The following TMCC1 variants were observed in gnomAD, a reference collection of about 807,000 sequenced individuals.
TMCC1 encodes transmembrane and coiled-coil domains protein 1.
In TMCC1, 15 loss-of-function variants were observed where a neutral mutation model predicts 52.4. That is an observed-to-expected ratio of 0.29 (90% CI 0.19 to 0.44). The LOEUF is 0.44. TMCC1 is among the 20% of genes least tolerant of loss of function. TMCC1 has a pLI of 1.00. For synonymous variants in TMCC1, 279 were observed against 301.9 expected (o/e 0.92, Z 0.79); for missense variants, 503 against 806.0 (o/e 0.62, Z 4.55).
chr3:129,670,631 C>A lies in TMCC1; in HGVS notation c.1210G>T (p.Ala404Ser). 6.2e-7 allele frequency: 1 copy of A among 1,614,228 alleles called. No homozygotes were observed. The highest frequency in any genetic ancestry group is 8.5e-7 in the Non-Finnish European group (1 of 1,180,036). The change falls in exon 5 of 7, where the codon GCT (alanine) becomes TCT (serine). Residue 404 changes from alanine to serine, a missense_variant. Physicochemically the swap from Ala to Ser is moderately conservative, Grantham distance 99 (BLOSUM62 1). Coordinates refer to ENST00000393238, the MANE Select transcript of TMCC1 (RefSeq NM_001017395.5). ...EEGQVDDAGK[A>S]LGVISNFQSS... ...TGAAAGTTTGAAATCACTCCCAAAG[C>A]CTTCCCCGCATCATCCACTTGCCCT... is the stretch of plus-strand genomic sequence containing the variant.
At chr3:129,833,632 C>T (rs561947863) in intron 2 of TMCC1, among the ~76,000 whole-genome samples, 3 of 152,132 alleles carry the variant, frequency 2.0e-5, no homozygotes, top group Non-Finnish European at 4.4e-5. Context: ...GTGACTCACA[C>T]CTGTAATCCC....
chr3:129,832,886 T>C (rs1486179066), intron 2 of TMCC1, 60 bp from the exon 3 acceptor site: 1 of 152,196 alleles, frequency 6.6e-6, no homozygotes, highest in Non-Finnish European at 1.5e-5. Flanking sequence ...ACTTACCTTT[T>C]ACAGATATGC....
At chr3:129,840,549 G>A (rs1267163400) in intron 2 of TMCC1, among the ~76,000 whole-genome samples, 1 of 152,122 alleles carries the variant, frequency 6.6e-6, no homozygotes, top group Non-Finnish European at 1.5e-5. Context: ...GTTTGGCTCT[G>A]TGTCCCTACC....
chr3:129,680,904 A>C (rs986840027), intron 4 of TMCC1, among the ~76,000 whole-genome samples: 2 of 151,918 alleles, frequency 1.3e-5, no homozygotes, highest in Admixed American at 6.6e-5. Flanking sequence ...TGTCTCAAAA[A>C]AAAAAAAAAG....
At chr3:129,875,894 G>A (rs1305347050) in intron 2 of TMCC1, among the ~76,000 whole-genome samples, 1 of 152,210 alleles carries the variant, frequency 6.6e-6, no homozygotes, top group Non-Finnish European at 1.5e-5. Context: ...AGCACTTTGG[G>A]AGGCCAAGGC....
intron 5 of TMCC1, among the ~76,000 whole-genome samples, chr3:129,661,825 T>A (rs185658741): frequency 6.6e-6 from 1 of 152,218 alleles, no homozygotes; most frequent in East Asian, 1.9e-4. Context: ...AAAAATTCTG[T>A]ATTGTTAATG....
rs115246004 is a variant in TMCC1 at position 129,884,445 on chromosome 3, T to C, written c.-434-3886A>G. ...GAATTGGAGACCAGCCTGGGCAACA[T>C]AGTGCAACCCCATTTCTACAAAATA... On this transcript the variant is annotated intron_variant, in intron 1 of 6. Transcript: ENST00000393238. Among the ~76,000 whole-genome samples the C allele has an allele frequency of 3.2e-3, 481 of 152,202 alleles. 1 individual carries two copies. Among genetic ancestry groups the C allele is most frequent in the African/African-American group, 0.011 (467 of 41,522 alleles).
At chr3:129,749,933 A>G (rs945049176) in intron 4 of TMCC1, among the ~76,000 whole-genome samples, 7 of 152,186 alleles carry the variant, frequency 4.6e-5, no homozygotes, top group African/African-American at 1.7e-4. Flanking sequence ...TGAATCTTGC[A>G]GTAGACCTCT....
intron 2 of TMCC1, among the ~76,000 whole-genome samples, chr3:129,875,503 A>C (rs1225800152): frequency 1.8e-4 from 27 of 150,304 alleles, no homozygotes; most frequent in Non-Finnish European, 3.0e-4. Context: ...AAAAAAAAAA[A>C]AAAAAAAAAA....
chr3:129,692,108 A>G (rs1259054716), intron 4 of TMCC1, among the ~76,000 whole-genome samples: 1 of 152,232 alleles, frequency 6.6e-6, no homozygotes. Flanking sequence ...GTTAACTATA[A>G]TACTATATAC....
chr3:129,656,095 C>T (rs566812034), intron 5 of TMCC1, among the ~76,000 whole-genome samples: 9 of 152,302 alleles, frequency 5.9e-5, no homozygotes, highest in African/African-American at 1.7e-4. Flanking sequence ...AGAGGAGTCA[C>T]ATGATGAATA....
chr3:129,808,920 GGA>G (rs370996022), intron 4 of TMCC1, among the ~76,000 whole-genome samples: 2,395 of 22,220 alleles, frequency 0.11, 49 homozygotes, highest in African/African-American at 0.28. Flanking sequence ...TAGATATGCT[GGA>G]AAAAAAAAAA....
At chr3:129,879,789 C>T (rs1012638473) in intron 2 of TMCC1, among the ~76,000 whole-genome samples, 2 of 152,150 alleles carry the variant, frequency 1.3e-5, no homozygotes, top group African/African-American at 2.4e-5. Flanking sequence ...ATTATGCTAA[C>T]GTTACTAAGC....
chr3:129,663,258 C>T (rs865861100), intron 5 of TMCC1, among the ~76,000 whole-genome samples: 2 of 152,128 alleles, frequency 1.3e-5, no homozygotes, highest in Non-Finnish European at 2.9e-5. Flanking sequence ...AATGGTGCTT[C>T]CCTAGTTCGG....
chr3:129,777,039 C>T (rs2055097150), intron 4 of TMCC1, among the ~76,000 whole-genome samples: 2 of 152,128 alleles, frequency 1.3e-5, no homozygotes, highest in South Asian at 4.1e-4. Context: ...GTACCAGGAA[C>T]TATGCCAGGA....
intron 4 of TMCC1, among the ~76,000 whole-genome samples, chr3:129,686,877 C>CAT (rs1449880163): frequency 2.0e-5 from 3 of 152,084 alleles, no homozygotes; most frequent in African/African-American, 7.2e-5. Context: ...GTAGGTTTCA[C>CAT]ATGCCAAGAA....
At chr3:129,878,100 G>A (rs1399437425) in intron 2 of TMCC1, among the ~76,000 whole-genome samples, 2 of 151,556 alleles carry the variant, frequency 1.3e-5, no homozygotes, top group African/African-American at 2.4e-5. Flanking sequence ...CTGGGATTAC[G>A]GGCGCCTACC....
chr3:129,854,811 C>G (rs1297946365), intron 2 of TMCC1, among the ~76,000 whole-genome samples: 1 of 152,218 alleles, frequency 6.6e-6, no homozygotes, highest in Non-Finnish European at 1.5e-5. Flanking sequence ...AATACCTACT[C>G]TTATGCCACT....
intron 4 of TMCC1, among the ~76,000 whole-genome samples, chr3:129,791,970 G>A (rs1415026285): frequency 1.3e-5 from 2 of 152,002 alleles, no homozygotes; most frequent in East Asian, 3.8e-4. Context: ...TAAAATTACT[G>A]CAAACGTTTA....
Sources: gnomAD v4.1 joint callset for allele counts (sites outside exome capture counted in the v4.1 genomes callset) on GRCh38, gnomAD v4.1.1 for gene constraint, MANE v1.5 for transcripts, NCBI Gene and HGNC (gene_info 2026-07-23, HGNC 2026-07-21) for gene names.